Variants in PSMA3 observed in about 807,000 individuals in gnomAD.
PSMA3 encodes proteasome 20S subunit alpha 3.
In PSMA3, 8 loss-of-function variants were observed where a neutral mutation model predicts 40.0. The observed-to-expected ratio is 0.20, with a 90% confidence interval of 0.12 to 0.36. The LOEUF (loss-of-function observed/expected upper bound fraction) is 0.36, where lower values mean the gene tolerates loss of function less well. PSMA3 is among the 10% of genes least tolerant of loss of function. PSMA3 has a pLI of 1.00. For synonymous variants in PSMA3, 110 were observed against 100.0 expected (o/e 1.10, Z -0.59); for missense variants, 219 against 310.6 (o/e 0.70, Z 2.22).
In PSMA3 at chr14:58,257,962, A is replaced by G; in HGVS notation, c.368A>G (p.Tyr123Cys). The G allele has an allele frequency of 3.7e-6, 6 of 1,614,122 alleles. No homozygotes were observed. The highest frequency in any genetic ancestry group is 5.1e-6 in the Non-Finnish European group (6 of 1,179,970). Residue 123 changes from tyrosine to cysteine, a missense_variant, in exon 5 of 11, where the codon TAT becomes TGT. Tyr to Cys is a radical substitution (Grantham distance 194, BLOSUM62 -2). Transcript: ENST00000216455. ...AGAGTGGCCATGTATGTGCATGCAT[A>G]TACACTCTACAGTGCTGTTAGACCT... ...ADRVAMYVHA[Y>C]TLYSAVRPFG...
At chr14:58,248,896 G>A (rs951046304) in intron 2 of PSMA3, among the ~76,000 whole-genome samples, 18 of 152,110 alleles carry the variant, frequency 1.2e-4, no homozygotes, top group African/African-American at 4.3e-4. Flanking sequence ...CTGGCAGGTG[G>A]ACGTTGCAGT....
chr14:58,260,246 T>C (rs1388293815), intron 5 of PSMA3, among the ~76,000 whole-genome samples: 1 of 152,198 alleles, frequency 6.6e-6, no homozygotes, highest in Non-Finnish European at 1.5e-5. Context: ...CTCCTGTATG[T>C]TGTCATCTCT....
At chr14:58,263,803 G>A (rs143649517) in intron 7 of PSMA3, 33 bp downstream of exon 7, 26 of 1,584,482 alleles carry the variant, frequency 1.6e-5, no homozygotes, top group East Asian at 8.9e-5. Context: ...TTACTATGTC[G>A]TCATCCTAAT....
At chr14:58,264,103 T>C (rs1197754661) in intron 7 of PSMA3, among the ~76,000 whole-genome samples, 2 of 152,222 alleles carry the variant, frequency 1.3e-5, no homozygotes, top group African/African-American at 2.4e-5. Context: ...AGTTGTGTTA[T>C]ACATCCCTTT....
intron 5 of PSMA3, among the ~76,000 whole-genome samples, chr14:58,259,346 G>C (rs955542012): frequency 6.6e-6 from 1 of 151,640 alleles, no homozygotes; most frequent in Admixed American, 6.6e-5. Flanking sequence ...ATGGAGTCTC[G>C]CTCTGTCGCC....
chr14:58,268,879 T>C (rs909703168), intron 8 of PSMA3: 1 of 152,196 alleles, frequency 6.6e-6, no homozygotes, highest in Non-Finnish European at 1.5e-5. Flanking sequence ...AAAAGTAAGG[T>C]ATGTAACTCA....
At chr14:58,263,666 G>A in intron 6 of PSMA3, 39 bp from the exon 7 acceptor site, 1 of 1,470,048 alleles carries the variant, frequency 6.8e-7, no homozygotes, top group Non-Finnish European at 9.5e-7. Flanking sequence ...ATATGATAGT[G>A]TACTAATTCA....
chr14:58,270,789 C>T, intron 9 of PSMA3, 145 bp from the exon 10 acceptor site: 1 of 796,608 alleles, frequency 1.3e-6, no homozygotes. Flanking sequence ...AAGCAGCACA[C>T]AAAAATATTC....
intron 1 of PSMA3, among the ~76,000 whole-genome samples, chr14:58,245,679 G>A (rs1889865084): frequency 6.6e-6 from 1 of 152,130 alleles, no homozygotes; most frequent in African/African-American, 2.4e-5. Flanking sequence ...TTGCATATGT[G>A]CAGTCAGTTT....
chr14:58,256,803 A>G (rs545898584), intron 3 of PSMA3, among the ~76,000 whole-genome samples: 1 of 152,144 alleles, frequency 6.6e-6, no homozygotes, highest in Non-Finnish European at 1.5e-5. Flanking sequence ...GATATCCTCA[A>G]CCTGTAATAA....
chr14:58,248,276 C>T (rs779647566), intron 2 of PSMA3, among the ~76,000 whole-genome samples: 57 of 152,338 alleles, frequency 3.7e-4, no homozygotes, highest in Non-Finnish European at 7.2e-4. Flanking sequence ...GTCACCTAGG[C>T]TAGAGTGCAG....
chr14:58,271,120 ATTCTCTAACC>A, intron 10 of PSMA3, 122 bp downstream of exon 10: 8 of 525,208 alleles, frequency 1.5e-5, no homozygotes, highest in Non-Finnish European at 2.2e-5. Context: ...AAAAAAAAAA[ATTCTCTAACC>A]AAAATTATGT....
At chr14:58,256,616 C>T (rs1168603930) in intron 3 of PSMA3, among the ~76,000 whole-genome samples, 2 of 151,078 alleles carry the variant, frequency 1.3e-5, no homozygotes, top group African/African-American at 4.9e-5. Flanking sequence ...ATTTCACCAT[C>T]TTGGCCAGGC....
chr14:58,271,819 A>G (rs1162087849), intron 10 of PSMA3, 32 bp from the exon 11 acceptor site: 6 of 1,548,718 alleles, frequency 3.9e-6, no homozygotes, highest in African/African-American at 1.4e-5. Context: ...AATTTTAAAA[A>G]TCAATTTTAA....
At chr14:58,248,432 G>A (rs1270776608) in intron 2 of PSMA3, among the ~76,000 whole-genome samples, 3 of 152,096 alleles carry the variant, frequency 2.0e-5, no homozygotes, top group Non-Finnish European at 2.9e-5. Context: ...GTTTTGCCAC[G>A]TTGGCCAGGC....
chr14:58,257,101 C>CAAA (rs60421135), intron 3 of PSMA3, among the ~76,000 whole-genome samples: 4 of 104,696 alleles, frequency 3.8e-5, no homozygotes, highest in African/African-American at 1.1e-4. Flanking sequence ...GACTCTGTCT[C>CAAA]AAAAAAAAAA....
Position 58,260,950 on chromosome 14 carries a change from T to A in PSMA3, c.407T>A (p.Phe136Tyr). Reference sequence around the variant, plus strand: ...GCTGTTTGTATACTTTCATGCAGTTTCATGTTAGGGTCTTACAGTGTGAAT... The same window carrying A: ...GCTGTTTGTATACTTTCATGCAGTTACATGTTAGGGTCTTACAGTGTGAAT... ...YSAVRPFGCS[F>Y]MLGSYSVNDG... Residue 136 changes from phenylalanine to tyrosine, a missense_variant and splice_region_variant, in exon 6 of 11, where the codon TTC (phenylalanine) becomes TAC (tyrosine). Physicochemically the swap from Phe to Tyr is conservative, Grantham distance 22. Coordinates refer to ENST00000216455, the MANE Select transcript of PSMA3 (RefSeq NM_002788.4). 1 of 1,609,566 alleles carries A rather than the reference T, an allele frequency of 6.2e-7. No individual in the cohort carries two copies. Among genetic ancestry groups the A allele is most frequent in the Non-Finnish European group, 8.5e-7 (1 of 1,176,936 alleles).
At chr14:58,247,881 T>C in intron 2 of PSMA3, 49 bp downstream of exon 2, 1 of 1,311,254 alleles carries the variant, frequency 7.6e-7, no homozygotes, top group Non-Finnish European at 1.1e-6. Flanking sequence ...ATTTTATATA[T>C]TTTTGGCGAT....
chr14:58,245,116 G>T (rs1889850147), intron 1 of PSMA3, 175 bp downstream of exon 1: 1 of 723,932 alleles, frequency 1.4e-6, no homozygotes, highest in Middle Eastern at 4.0e-4. Context: ...TGCTAGGCCT[G>T]CGTCTCAGGT....
Sources: allele counts gnomAD v4.1 joint callset (sites outside exome capture counted in the v4.1 genomes callset), GRCh38; gene constraint gnomAD v4.1.1; transcripts MANE v1.5; gene names NCBI Gene and HGNC (gene_info 2026-07-23, HGNC 2026-07-21).